The following CHST15 variants were observed in gnomAD, a reference collection of about 807,000 sequenced individuals.
CHST15 encodes the protein carbohydrate sulfotransferase 15, also known as B cell RAG associated protein (GALNAC4S-6ST).
A neutral mutation model predicts 53.6 loss-of-function variants in CHST15; 30 were observed. That is an observed-to-expected ratio of 0.56 (90% CI 0.42 to 0.76). The LOEUF (loss-of-function observed/expected upper bound fraction) is 0.76, where lower values mean the gene tolerates loss of function less well. CHST15 is among the 30% of genes least tolerant of loss of function. The probability of loss-of-function intolerance (pLI) is 0.00; values close to 1 mark genes in which losing one functional copy is unlikely to be tolerated. For synonymous variants in CHST15, 296 were observed against 289.8 expected (o/e 1.02, Z -0.22); for missense variants, 627 against 740.5 (o/e 0.85, Z 1.78).
intron 5 of CHST15, among the ~76,000 whole-genome samples, chr10:124,037,614 C>T (rs1039159128): frequency 1.3e-4 from 20 of 152,220 alleles, no homozygotes; most frequent in Admixed American, 1.0e-3. Context: ...CCCTGAGATT[C>T]TGCATTCACA....
rs548460895 is a variant in CHST15 at position 124,009,980 on chromosome 10, C to T, written c.*169G>A. ...TGTGAGGGGTCCATTGCTGAGCTCT[C>T]GAACATCACGAAGGAAATTCCAAAA... On this transcript the variant is annotated 3_prime_UTR_variant, in exon 8 of 8. Coordinates refer to ENST00000435907, the MANE Select transcript of CHST15 (RefSeq NM_001270764.2). The T allele has an allele frequency of 8.9e-6, 13 of 1,456,782 alleles. No individual in the cohort carries two copies. The African/African-American group carries it at 1.6e-4, about 17-fold the overall frequency. 90.2% of individuals were successfully genotyped at this position (1,456,782 alleles called of 1,614,324 possible). A position where few individuals can be genotyped will look rare whatever the true frequency, so the allele number is the denominator to read the frequency against.
At chr10:124,032,961 A>C (rs1249636570) in intron 5 of CHST15, among the ~76,000 whole-genome samples, 1 of 152,128 alleles carries the variant, frequency 6.6e-6, no homozygotes, top group African/African-American at 2.4e-5. Context: ...TAAAAGTGGT[A>C]TTTCCCCTCT....
chr10:124,058,255 T>A (rs1257371226), intron 1 of CHST15, among the ~76,000 whole-genome samples: 1 of 152,218 alleles, frequency 6.6e-6, no homozygotes, highest in East Asian at 1.9e-4. Flanking sequence ...GACAGTCATA[T>A]AGCTGCAAAG....
Position 124,047,564 on chromosome 10 carries a change from A to T in CHST15, c.-512-840T>A, listed in dbSNP as rs1252726857. Among the ~76,000 whole-genome samples the T allele has an allele frequency of 2.0e-5, 3 of 152,262 alleles. No individual in the cohort carries two copies. In the East Asian group the frequency reaches 5.8e-4, roughly 29 times the overall value. The stretch of plus-strand genomic sequence containing the variant: ...GAGCCATGGATAAGCATAAAAGGAG[A>T]CCTACTCAGTTTCTAGCAGTGGTAG... On this transcript the variant is annotated intron_variant, in intron 1 of 7. Transcript: ENST00000435907.
chr10:124,049,499 T>C lies in CHST15; in HGVS notation c.-512-2775A>G, dbSNP rs576883906. ...CCGGGTAGGGAATAAGGGCTGCAGA[T>C]TAAGTCAATCACCAGTGGCTGATGA... On this transcript the variant is annotated intron_variant, in intron 1 of 7. Coordinates refer to ENST00000435907, the MANE Select transcript of CHST15 (RefSeq NM_001270764.2). 6.0e-4 allele frequency among the ~76,000 whole-genome samples: 91 copies of C among 152,300 alleles called. 1 individual carries two copies. The highest frequency in any genetic ancestry group is 3.1e-3 in the Admixed American group (48 of 15,296).
chr10:124,010,083 G>C lies in CHST15; in HGVS notation c.*66C>G. On this transcript the variant is annotated 3_prime_UTR_variant, in exon 8 of 8. Transcript: ENST00000435907. ...CATGAGTGAAACAGTTCCCCGCAAA[G>C]AGATTTGTAAAATCCTGATGATGAC... 2 of 1,610,114 alleles carry C rather than the reference G, an allele frequency of 1.2e-6. No homozygotes were observed. The highest frequency in any genetic ancestry group is 1.1e-5 in the South Asian group (1 of 90,598).
At chr10:124,042,886 A>T (rs919367586) in intron 3 of CHST15, among the ~76,000 whole-genome samples, 5 of 152,266 alleles carry the variant, frequency 3.3e-5, no homozygotes, top group African/African-American at 1.2e-4. Context: ...AGAGAAGGGC[A>T]GTATCCTATA....
chr10:124,076,480 C>T (rs1949073738), intron 1 of CHST15, among the ~76,000 whole-genome samples: 1 of 152,182 alleles, frequency 6.6e-6, no homozygotes, highest in South Asian at 2.1e-4. Context: ...GTCAGGCCTC[C>T]AGCCAGACCC....
chr10:124,058,241 C>T (rs949987653), intron 1 of CHST15, among the ~76,000 whole-genome samples: 7 of 152,242 alleles, frequency 4.6e-5, no homozygotes, highest in East Asian at 1.9e-4. Context: ...GGGAACAAAG[C>T]GAGGACAGTC....
rs1946713997 is a variant in CHST15, at chr10:124,019,913, C to A, written c.1347+1343G>T. The A allele has an allele frequency of 3.0e-6, 3 of 985,816 alleles. No individual in the cohort carries two copies. Among genetic ancestry groups the A allele is most frequent in the African/African-American group, 1.7e-5 (1 of 57,220 alleles). 61.1% of individuals were successfully genotyped at this position (985,816 alleles called of 1,614,324 possible). A position where few individuals can be genotyped will look rare whatever the true frequency, so the allele number is the denominator to read the frequency against. On this transcript the variant is annotated intron_variant, in intron 6 of 7. Transcript: ENST00000435907. The surrounding 1 kb of genome is among the most constrained non-coding windows in gnomAD (Gnocchi z 4.6). ...GTTCTGTATGGTAGGTGGTGCTGAC[C>A]ACTGGGCCTCTGCACACGCTGCTCT...
At position 124,038,255 on chromosome 10, in the gene CHST15, T is replaced by C. The variant is rs376238034; in HGVS notation, c.1190+260A>G. On this transcript the variant is annotated intron_variant, in intron 5 of 7. Coordinates refer to ENST00000435907, the MANE Select transcript of CHST15 (RefSeq NM_001270764.2). ...CCGAGTAGCTGGGACTATAGGAGTG[T>C]GCCACCACATCTGGTAATTTTTGTA... 1.2e-3 allele frequency among the ~76,000 whole-genome samples: 189 copies of C among 152,134 alleles called. 1 individual carries two copies. The highest frequency in any genetic ancestry group is 3.1e-3 in the South Asian group (15 of 4,814).
At chr10:124,083,680 G>A (rs926164608) in intron 1 of CHST15, among the ~76,000 whole-genome samples, 3 of 152,196 alleles carry the variant, frequency 2.0e-5, no homozygotes, top group Non-Finnish European at 4.4e-5. Flanking sequence ...GTTCTCGTTA[G>A]TCGGAGCATG....
Position 124,010,145 on chromosome 10 carries a change from GCT to G in CHST15, c.*2_*3del. 6.2e-7 allele frequency: 1 copy of G among 1,612,460 alleles called. No homozygotes were observed. Among genetic ancestry groups the G allele is most frequent in the Non-Finnish European group, 8.5e-7 (1 of 1,180,036 alleles). ...GCCCAGCACGTGCAGCAACAATTCA[GCT>G]CTCACGTCGTCTTCCACGCAAACGC... On this transcript the variant is annotated 3_prime_UTR_variant, in exon 8 of 8. Coordinates refer to ENST00000435907, the MANE Select transcript of CHST15 (RefSeq NM_001270764.2).
chr10:124,025,508 G>A (rs1946963836), intron 5 of CHST15, among the ~76,000 whole-genome samples: 1 of 152,132 alleles, frequency 6.6e-6, no homozygotes, highest in Non-Finnish European at 1.5e-5. Context: ...AAACTATGCT[G>A]GGTCCCTGGC....
Position 124,008,368 on chromosome 10 carries a change from G to A in CHST15, c.*1781C>T. ...GTACACACACACACACGCGCGCACT[G>A]TACTGCAAATAAATATACACACACA... On this transcript the variant is annotated 3_prime_UTR_variant, in exon 8 of 8. Coordinates refer to ENST00000435907, the MANE Select transcript of CHST15 (RefSeq NM_001270764.2). 9.8e-7 allele frequency: 1 copy of A among 1,024,166 alleles called. No individual in the cohort carries two copies. Among genetic ancestry groups the A allele is most frequent in the Non-Finnish European group, 1.2e-6 (1 of 857,674 alleles). The allele number at this position is 1,024,166 out of a possible 1,614,324, so 63.4% of individuals were successfully genotyped here.
intron 4 of CHST15, among the ~76,000 whole-genome samples, chr10:124,039,619 G>A (rs908742105): frequency 1.3e-5 from 2 of 152,212 alleles, no homozygotes; most frequent in African/African-American, 2.4e-5. Flanking sequence ...ATTTCATCAT[G>A]GTCCTCACGA....
At chr10:124,086,077 C>T (rs1949413568) in intron 1 of CHST15, among the ~76,000 whole-genome samples, 2 of 152,202 alleles carry the variant, frequency 1.3e-5, no homozygotes. Context: ...ACCTCAGCTC[C>T]CTGTGAATTG....
intron 5 of CHST15, among the ~76,000 whole-genome samples, chr10:124,029,213 A>T (rs935759153): frequency 6.6e-6 from 1 of 152,204 alleles, no homozygotes; most frequent in Non-Finnish European, 1.5e-5. Context: ...GCTGAGACGG[A>T]GCCCTTTTGT....
At chr10:124,069,983 C>T (rs1236408412) in intron 1 of CHST15, among the ~76,000 whole-genome samples, 2 of 152,158 alleles carry the variant, frequency 1.3e-5, no homozygotes, top group Admixed American at 1.3e-4. Context: ...CAAGTGGTCC[C>T]GCCCATTTCC....
Sources: allele counts gnomAD v4.1 joint callset (sites outside exome capture counted in the v4.1 genomes callset), GRCh38; gene constraint gnomAD v4.1.1; non-coding constraint Gnocchi (gnomAD v3.1); transcripts MANE v1.5; gene names NCBI Gene and HGNC (gene_info 2026-07-23, HGNC 2026-07-21).